The following FBXW7 variants were observed in gnomAD, a reference collection of about 807,000 sequenced individuals.
FBXW7 encodes the protein F-box/WD repeat-containing protein 7.
FBXW7 carries 11 observed loss-of-function variants against 86.3 expected under a neutral mutation model. The observed-to-expected ratio is 0.13, with a 90% confidence interval of 0.08 to 0.21. The LOEUF is 0.21. FBXW7 is among the 10% of genes least tolerant of loss of function. The probability of loss-of-function intolerance (pLI) is 1.00; values close to 1 mark genes in which losing one functional copy is unlikely to be tolerated. For missense variants in FBXW7, 488 were observed against 847.4 expected (o/e 0.58, Z 5.27); for synonymous variants, 313 against 297.9 (o/e 1.05, Z -0.52).
At chr4:152,436,364 G>T (rs996006572) in intron 2 of FBXW7, among the ~76,000 whole-genome samples, 1 of 152,246 alleles carries the variant, frequency 6.6e-6, no homozygotes, top group Non-Finnish European at 1.5e-5. Context: ...TGAGAGAGGT[G>T]AGAAAGCTTC....
At chr4:152,377,931 T>G (rs1023949661) in intron 4 of FBXW7, among the ~76,000 whole-genome samples, 1 of 152,132 alleles carries the variant, frequency 6.6e-6, no homozygotes, top group Non-Finnish European at 1.5e-5. Flanking sequence ...AAAAGCTATA[T>G]GCAAAAGAAA....
At chr4:152,363,598 T>C (rs150051696) in intron 4 of FBXW7, among the ~76,000 whole-genome samples, 187 of 152,320 alleles carry the variant, frequency 1.2e-3, no homozygotes, top group African/African-American at 4.2e-3. Context: ...GCTCTTTCAG[T>C]GCCCACTATC....
At chr4:152,465,136 G>A (rs1743286141) in intron 2 of FBXW7, among the ~76,000 whole-genome samples, 1 of 151,992 alleles carries the variant, frequency 6.6e-6, no homozygotes, top group Non-Finnish European at 1.5e-5. Context: ...ATTATATATG[G>A]AAGCGACTAT....
chr4:152,452,912 G>C (rs753325231), intron 2 of FBXW7, among the ~76,000 whole-genome samples: 1 of 152,248 alleles, frequency 6.6e-6, no homozygotes, highest in East Asian at 1.9e-4. Flanking sequence ...GCCAGGCGCA[G>C]TGGCTCACGC....
chr4:152,406,596 T>C (rs961908462), intron 4 of FBXW7, among the ~76,000 whole-genome samples: 1 of 152,208 alleles, frequency 6.6e-6, no homozygotes, highest in African/African-American at 2.4e-5. Flanking sequence ...ATATGGAAGA[T>C]TCATTAAAGC....
At chr4:152,501,664 C>T (rs1746960308) in intron 2 of FBXW7, among the ~76,000 whole-genome samples, 2 of 152,120 alleles carry the variant, frequency 1.3e-5, no homozygotes, top group South Asian at 2.1e-4. Context: ...TGAAATTGAG[C>T]TTGCTAATCT....
intron 4 of FBXW7, among the ~76,000 whole-genome samples, chr4:152,394,185 T>A (rs1276436075): frequency 6.6e-6 from 1 of 152,064 alleles, no homozygotes; most frequent in Non-Finnish European, 1.5e-5. Context: ...CTCTTCACTG[T>A]GAAAAACTTA....
intron 4 of FBXW7, among the ~76,000 whole-genome samples, chr4:152,400,819 G>T (rs1203570087): frequency 1.3e-5 from 2 of 152,134 alleles, no homozygotes; most frequent in Non-Finnish European, 2.9e-5. Flanking sequence ...ATGCACATGG[G>T]ATAAACGATT....
intron 2 of FBXW7, among the ~76,000 whole-genome samples, chr4:152,452,153 T>C (rs1741965256): frequency 6.6e-6 from 1 of 152,202 alleles, no homozygotes. Context: ...AACATGTAAT[T>C]AGCTGTTATT....
chr4:152,419,469 T>C (rs1366102279), intron 2 of FBXW7, among the ~76,000 whole-genome samples: 5 of 142,428 alleles, frequency 3.5e-5, no homozygotes, highest in Non-Finnish European at 7.6e-5. Flanking sequence ...TAGAAATGTG[T>C]GGTAAGGCCC....
At chr4:152,353,635 C>G (rs1382022381) in intron 4 of FBXW7, among the ~76,000 whole-genome samples, 2 of 152,126 alleles carry the variant, frequency 1.3e-5, no homozygotes, top group African/African-American at 4.8e-5. Context: ...CTGGAGTAAA[C>G]AGGAGGCACT....
At position 152,433,555 on chromosome 4, in the gene FBXW7, T is replaced by C. The variant is rs573188821; in HGVS notation, c.-119-21026A>G. On this transcript the variant is annotated intron_variant, in intron 2 of 13. Transcript: ENST00000281708. ...CTTTTTCACTCAATTAAAATTTGCATTAAAAATGAACAAATAAATAAATCA... is the reference window on the plus strand; with the variant it reads ...CTTTTTCACTCAATTAAAATTTGCACTAAAAATGAACAAATAAATAAATCA... 8.9e-4 allele frequency among the ~76,000 whole-genome samples: 136 copies of C among 152,348 alleles called. 1 individual carries two copies. Among genetic ancestry groups the C allele is most frequent in the Non-Finnish European group, 1.6e-3 (106 of 68,028 alleles).
chr4:152,441,751 T>A (rs200423756), intron 2 of FBXW7, among the ~76,000 whole-genome samples: 1 of 152,198 alleles, frequency 6.6e-6, no homozygotes, highest in African/African-American at 2.4e-5. Flanking sequence ...AAAAAATAAA[T>A]TTTAAAAAGC....
rs1176237755 is a variant in FBXW7 at position 152,323,038 on chromosome 4, A to T, written c.1967T>A (p.Phe656Tyr). Residue 656 changes from phenylalanine to tyrosine, a missense_variant, in exon 14 of 14, where the codon TTT (phenylalanine) becomes TAT (tyrosine). Physicochemically the swap from Phe to Tyr is conservative, Grantham distance 22 (BLOSUM62 3). Around this residue, in one of 4 missense-constraint regions of FBXW7, gnomAD observed 142 missense variants for 406.6 expected, o/e 0.35. Coordinates refer to ENST00000281708, the MANE Select transcript of FBXW7 (RefSeq NM_001349798.2). Reference protein sequence around the residue: ...VKLWDLKTGEFIRNLVTLESG... With the variant: ...VKLWDLKTGEYIRNLVTLESG... ...CTCCAATGTGACTAGGTTTCGAATAAATTCACCCGTTTTCAAGTCCCATAG... is the reference window on the plus strand; with the variant it reads ...CTCCAATGTGACTAGGTTTCGAATATATTCACCCGTTTTCAAGTCCCATAG... 7 of 1,613,738 alleles carry T rather than the reference A, an allele frequency of 4.3e-6. No homozygotes were observed. The South Asian group carries it at 6.6e-5, about 15-fold the overall frequency.
intron 2 of FBXW7, among the ~76,000 whole-genome samples, chr4:152,457,310 T>C (rs1257313959): frequency 6.6e-6 from 1 of 152,182 alleles, no homozygotes; most frequent in Non-Finnish European, 1.5e-5. Context: ...GTTTCATGAG[T>C]GCACATATAC....
At chr4:152,500,846 C>T (rs1243521852) in intron 2 of FBXW7, among the ~76,000 whole-genome samples, 2 of 152,168 alleles carry the variant, frequency 1.3e-5, no homozygotes, top group African/African-American at 4.8e-5. Context: ...TTATAAATTG[C>T]AATTCTGTTT....
At chr4:152,457,546 A>G (rs896144011) in intron 2 of FBXW7, among the ~76,000 whole-genome samples, 4 of 149,508 alleles carry the variant, frequency 2.7e-5, no homozygotes. Context: ...TGGGAGGCTG[A>G]GGCAGGAGAA....
chr4:152,382,508 T>C, intron 4 of FBXW7: 2 of 1,188,018 alleles, frequency 1.7e-6, no homozygotes, highest in Non-Finnish European at 2.1e-6. Context: ...TGTCCTGACC[T>C]GTCTGAGGCT....
At chr4:152,457,643 CA>C (rs769232533) in intron 2 of FBXW7, among the ~76,000 whole-genome samples, 6,432 of 57,514 alleles carry the variant, frequency 0.11, 103 homozygotes, top group East Asian at 0.28. Context: ...GACTCTGTCT[CA>C]AAAAAAAAAA....
Sources: gnomAD v4.1 joint callset for allele counts (sites outside exome capture counted in the v4.1 genomes callset) on GRCh38, gnomAD v4.1.1 for gene constraint, gnomAD v4.1.1 regional missense constraint, MANE v1.5 for transcripts, NCBI Gene and HGNC (gene_info 2026-07-23, HGNC 2026-07-21) for gene names.